TMEM131L: variants seen among roughly 807,000 people sequenced by gnomAD.
The protein encoded by TMEM131L is transmembrane 131 like.
In TMEM131L, 54 loss-of-function variants were observed where a neutral mutation model predicts 192.2. The observed-to-expected ratio is 0.28, with a 90% CI of 0.23 to 0.35. The LOEUF (loss-of-function observed/expected upper bound fraction) is 0.35, where lower values mean the gene tolerates loss of function less well. Ranked by LOEUF, TMEM131L falls within the 10% of genes least tolerant of loss-of-function variation. The probability of loss-of-function intolerance (pLI) is 1.00; values close to 1 mark genes in which losing one functional copy is unlikely to be tolerated. For synonymous variants in TMEM131L, 701 were observed against 704.9 expected, an observed-to-expected ratio of 0.99 and a Z score of 0.09; for missense variants, 1,888 against 1,972.9, an observed-to-expected ratio of 0.96 and a Z score of 0.82.
chr4:153,527,846 ATT>A (rs1240403508), intron 3 of TMEM131L, among the ~76,000 whole-genome samples: 2 of 152,144 alleles, frequency 1.3e-5, no homozygotes, highest in East Asian at 3.8e-4. Context: ...TTTCTGCAAC[ATT>A]TGGGTCTAAC....
Position 153,526,421 on chromosome 4 carries a change from G to A in TMEM131L, c.240-23652G>A, listed in dbSNP as rs951682294. ...GATAGAGGATGCAGGGATGAAGGACGCACTCCCTGCCCTCAGGAAGCTTGC... is the reference window on the plus strand; with the variant it reads ...GATAGAGGATGCAGGGATGAAGGACACACTCCCTGCCCTCAGGAAGCTTGC... On this transcript the variant is annotated intron_variant, in intron 3 of 34. Transcript: ENST00000409959. Among the ~76,000 whole-genome samples the A allele has an allele frequency of 9.2e-5, 14 of 152,232 alleles. No homozygotes were observed. In the South Asian group the frequency reaches 1.5e-3, roughly 16 times the overall value.
At chr4:153,551,617 G>A (rs563181792) in intron 4 of TMEM131L, among the ~76,000 whole-genome samples, 1 of 152,064 alleles carries the variant, frequency 6.6e-6, no homozygotes, top group South Asian at 2.1e-4. Flanking sequence ...TGGCCTCTCA[G>A]AGTGCTGGGA....
intron 2 of TMEM131L, among the ~76,000 whole-genome samples, chr4:153,470,878 G>A (rs1424085766): frequency 1.3e-5 from 2 of 152,228 alleles, no homozygotes; most frequent in African/African-American, 4.8e-5. Flanking sequence ...GAATGCAACA[G>A]CCCCGCTGGT....
chr4:153,603,522 T>G, intron 24 of TMEM131L, 70 bp downstream of exon 24: 1 of 1,465,162 alleles, frequency 6.8e-7, no homozygotes, highest in East Asian at 2.3e-5. Context: ...ATTTCTGATT[T>G]AATTTTAAGT....
At chr4:153,596,925 A>C (rs1731479918) in intron 20 of TMEM131L, among the ~76,000 whole-genome samples, 2 of 152,078 alleles carry the variant, frequency 1.3e-5, no homozygotes, top group African/African-American at 4.8e-5. Context: ...TTTATTTTTT[A>C]ATTGTTTTCA....
intron 3 of TMEM131L, among the ~76,000 whole-genome samples, chr4:153,485,451 A>G (rs1215728588): frequency 3.3e-5 from 5 of 152,178 alleles, no homozygotes; most frequent in African/African-American, 1.2e-4. Flanking sequence ...CCAGATACCC[A>G]CTGTTGCATT....
In TMEM131L at chr4:153,544,061, G is replaced by A. The variant is rs186015009; in HGVS notation, c.240-6012G>A. 9.9e-5 allele frequency among the ~76,000 whole-genome samples: 15 copies of A among 151,490 alleles called. 1 individual carries two copies. The highest frequency in any genetic ancestry group is 6.6e-4 in the Admixed American group (10 of 15,266). On this transcript the variant is annotated intron_variant, in intron 3 of 34. Transcript: ENST00000409959. ...ATGCAACCTTTTGCCAACATCCAGC[G>A]GCTAAAGCCATTGTTGCTGTGGCCA...
At position 153,550,384 on chromosome 4, in the gene TMEM131L, T is replaced by A. The variant is rs60186042; in HGVS notation, c.308+243T>A. On this transcript the variant is annotated intron_variant, in intron 4 of 34. Coordinates refer to ENST00000409959, the MANE Select transcript of TMEM131L (RefSeq NM_001131007.2). ...CTCTGTCCACCAGGCTGGAGTGCAG[T>A]GGCGTGATCTCTGCTCACTGCAAGC... Among the ~76,000 whole-genome samples the A allele has an allele frequency of 4.0e-3, 607 of 152,300 alleles. 5 individuals carry two copies. Among genetic ancestry groups the A allele is most frequent in the Middle Eastern group, 0.031 (9 of 294 alleles).
chr4:153,622,989 TGCCAGCCGGGGCA>T lies in TMEM131L; in HGVS notation c.3954_3966del (p.Ser1319GlyfsTer43), dbSNP rs1733548101. 6.2e-7 allele frequency: 1 copy of T among 1,614,076 alleles called. No homozygotes were observed. The highest frequency in any genetic ancestry group is 8.5e-7 in the Non-Finnish European group (1 of 1,180,032). On this transcript the variant is annotated frameshift_variant, in exon 29 of 35. Coordinates refer to ENST00000409959, the MANE Select transcript of TMEM131L (RefSeq NM_001131007.2). LOFTEE classifies it high-confidence loss of function. The stretch of plus-strand genomic sequence containing the variant: ...GTGGGAGCTCCTCTGGCAGCGTGCG[TGCCAGCCGGGGCA>T]GCTGGGGGAGCTGGAGCAGCACCAG...
Position 153,602,000 on chromosome 4 carries a change from G to T in TMEM131L, c.2267-152G>T. The T allele has an allele frequency of 9.8e-6, 5 of 510,258 alleles. No homozygotes were observed. In the South Asian group the frequency reaches 1.7e-4, roughly 17 times the overall value. The allele number at this position is 510,258 out of a possible 1,614,324, so 31.6% of individuals were successfully genotyped here. The stretch of plus-strand genomic sequence containing the variant: ...CTATAATTGTTCTAGAAATTAGGTA[G>T]AAATCATTCTTTGAGCTTATGTTGG... On this transcript the variant is annotated intron_variant, in intron 21 of 34. Coordinates refer to ENST00000409959, the MANE Select transcript of TMEM131L (RefSeq NM_001131007.2).
chr4:153,556,784 A>G (rs1401115708), intron 5 of TMEM131L, among the ~76,000 whole-genome samples, 182 bp from the exon 6 acceptor site: 2 of 152,234 alleles, frequency 1.3e-5, no homozygotes, highest in Admixed American at 6.5e-5. Flanking sequence ...AATATTTGCT[A>G]TATCTAAGAG....
In TMEM131L at chr4:153,558,373, T is replaced by A. The variant is rs778328170; in HGVS notation, c.660+5T>A. 5 of 1,544,814 alleles carry A rather than the reference T, an allele frequency of 3.2e-6. No individual in the cohort carries two copies. The highest frequency in any genetic ancestry group is 4.5e-6 in the Non-Finnish European group (5 of 1,122,152). On this transcript the variant is annotated splice_donor_5th_base_variant and intron_variant, in intron 7 of 34. Transcript: ENST00000409959. ...ATTCAGCTGTCTCAAATGCAGGTCA[T>A]TTTAATAGATTTACTTTGAATGCTG...
chr4:153,466,707 C>T (rs918509723), intron 1 of TMEM131L, among the ~76,000 whole-genome samples, 186 bp downstream of exon 1: 1 of 152,196 alleles, frequency 6.6e-6, no homozygotes, highest in African/African-American at 2.4e-5. Context: ...CCGCGCCTCT[C>T]TGCCCCGTAC....
chr4:153,566,060 G>T (rs1017712488), intron 7 of TMEM131L, among the ~76,000 whole-genome samples: 6 of 151,832 alleles, frequency 4.0e-5, no homozygotes, highest in African/African-American at 9.7e-5. Context: ...AGATTGAAAA[G>T]AACTTAAATT....
intron 26 of TMEM131L, among the ~76,000 whole-genome samples, chr4:153,619,845 G>A (rs961975390): frequency 6.6e-6 from 1 of 152,104 alleles, no homozygotes; most frequent in African/African-American, 2.4e-5. Context: ...CAGTCAGTAG[G>A]AAGGGGACTC....
intron 2 of TMEM131L, among the ~76,000 whole-genome samples, chr4:153,472,551 A>C (rs1731232673): frequency 6.6e-6 from 1 of 152,200 alleles, no homozygotes; most frequent in Non-Finnish European, 1.5e-5. Context: ...AAAAAACAAA[A>C]AACACCTGCC....
chr4:153,467,327 G>A (rs964050948), intron 2 of TMEM131L, 46 bp downstream of exon 2: 2 of 1,494,948 alleles, frequency 1.3e-6, no homozygotes, highest in African/African-American at 2.8e-5. Flanking sequence ...TACGAGGGAG[G>A]AGAGGCGGGG....
intron 33 of TMEM131L, 26 bp downstream of exon 33, chr4:153,634,306 C>A: frequency 1.9e-6 from 3 of 1,539,522 alleles, no homozygotes; most frequent in Non-Finnish European, 2.7e-6. Context: ...ACAATCCCAA[C>A]GCCATTATTT....
chr4:153,511,552 T>G (rs926971533), intron 3 of TMEM131L, among the ~76,000 whole-genome samples: 11 of 152,132 alleles, frequency 7.2e-5, no homozygotes, highest in African/African-American at 2.7e-4. Flanking sequence ...GATGAAATAA[T>G]CTGTATATCG....
Sources: gnomAD v4.1 joint callset for allele counts (sites outside exome capture counted in the v4.1 genomes callset) on GRCh38, gnomAD v4.1.1 for gene constraint, MANE v1.5 for transcripts, NCBI Gene and HGNC (gene_info 2026-07-23, HGNC 2026-07-21) for gene names.